Variants in LRMDA observed in about 807,000 individuals in gnomAD.
LRMDA encodes the protein leucine rich melanocyte differentiation associated.
Under a neutral mutation model 29.8 loss-of-function variants are expected in LRMDA, and 18 were observed. The ratio of observed to expected loss-of-function variants is 0.60; its 90% CI spans 0.42 to 0.90. The LOEUF (loss-of-function observed/expected upper bound fraction) is 0.90. LRMDA is among the 40% of genes least tolerant of loss of function. LRMDA has a pLI of 0.00. For missense variants in LRMDA, 273 were observed against 273.9 expected (o/e 1.00, Z 0.02); for synonymous variants, 125 against 109.4 (o/e 1.14, Z -0.89).
intron 6 of LRMDA, among the ~76,000 whole-genome samples, chr10:76,436,527 T>A (rs1036122450): frequency 2.6e-4 from 40 of 152,110 alleles, no homozygotes; most frequent in Admixed American, 1.1e-3. Context: ...CAGGGAGGTG[T>A]GGCACTCCCT....
At chr10:75,664,936 A>G (rs1207492552) in intron 2 of LRMDA, among the ~76,000 whole-genome samples, 1 of 152,144 alleles carries the variant, frequency 6.6e-6, no homozygotes, top group Non-Finnish European at 1.5e-5. Flanking sequence ...CAGACCCAGC[A>G]CCTGTTGGGG....
At chr10:76,536,472 C>A (rs1327058401) in intron 6 of LRMDA, among the ~76,000 whole-genome samples, 1 of 152,122 alleles carries the variant, frequency 6.6e-6, no homozygotes, top group Non-Finnish European at 1.5e-5. Flanking sequence ...TTGAAAGAAG[C>A]TCTCCAGGTG....
intron 5 of LRMDA, among the ~76,000 whole-genome samples, chr10:76,133,625 A>G (rs1353460238): frequency 6.6e-6 from 1 of 152,238 alleles, no homozygotes; most frequent in African/African-American, 2.4e-5. Context: ...TTAAATACAG[A>G]TCAGCTGCCT....
intron 5 of LRMDA, among the ~76,000 whole-genome samples, chr10:76,084,940 AT>A (rs1849110300): frequency 6.6e-6 from 1 of 152,156 alleles, no homozygotes; most frequent in Non-Finnish European, 1.5e-5. Flanking sequence ...CCTTTTGCCT[AT>A]TTCGTGACTG....
intron 5 of LRMDA, among the ~76,000 whole-genome samples, chr10:76,150,494 C>T (rs796311897): frequency 2.0e-5 from 3 of 152,218 alleles, no homozygotes; most frequent in African/African-American, 7.2e-5. Flanking sequence ...GTTTTGCCTC[C>T]GCTGACCCTG....
At chr10:76,240,331 A>G (rs1852248680) in intron 5 of LRMDA, among the ~76,000 whole-genome samples, 1 of 150,868 alleles carries the variant, frequency 6.6e-6, no homozygotes, top group African/African-American at 2.4e-5. Flanking sequence ...TAACTCAGGA[A>G]TGGAAAACCA....
At chr10:76,171,758 C>T (rs1488527505) in intron 5 of LRMDA, among the ~76,000 whole-genome samples, 1 of 152,148 alleles carries the variant, frequency 6.6e-6, no homozygotes, top group Admixed American at 6.5e-5. Flanking sequence ...CTGCTCCAAG[C>T]CATGATATAA....
intron 2 of LRMDA, among the ~76,000 whole-genome samples, chr10:75,496,307 G>A (rs1845044036): frequency 6.6e-6 from 1 of 152,084 alleles, no homozygotes; most frequent in South Asian, 2.1e-4. Context: ...GAGGCTCAGT[G>A]GTTTTTTAAA....
At chr10:76,444,755 C>T (rs1203577336) in intron 6 of LRMDA, among the ~76,000 whole-genome samples, 1 of 152,048 alleles carries the variant, frequency 6.6e-6, no homozygotes, top group Non-Finnish European at 1.5e-5. Flanking sequence ...CTCTAAAATG[C>T]TTAGGCCAGG....
At chr10:75,999,257 G>T (rs1847521827) in intron 2 of LRMDA, among the ~76,000 whole-genome samples, 1 of 152,202 alleles carries the variant, frequency 6.6e-6, no homozygotes, top group Non-Finnish European at 1.5e-5. Flanking sequence ...CCAGTGCGTG[G>T]CTCATGTCCC....
intron 2 of LRMDA, among the ~76,000 whole-genome samples, chr10:75,920,524 T>C (rs950498871): frequency 7.9e-5 from 12 of 152,178 alleles, no homozygotes; most frequent in African/African-American, 2.7e-4. Flanking sequence ...ACCAACTCCT[T>C]GCTATAACTT....
chr10:75,887,670 A>G (rs1845413489), intron 2 of LRMDA, among the ~76,000 whole-genome samples: 1 of 152,178 alleles, frequency 6.6e-6, no homozygotes, highest in Non-Finnish European at 1.5e-5. Flanking sequence ...ATGGCCTGCA[A>G]AGTCTAAATG....
At chr10:75,893,946 C>T (rs11001538) in intron 2 of LRMDA, among the ~76,000 whole-genome samples, 1 of 133,668 alleles carries the variant, frequency 7.5e-6, no homozygotes, top group Non-Finnish European at 1.6e-5. Flanking sequence ...AAAAAAAAAA[C>T]AAAAAAAAAA....
At chr10:76,344,778 T>C (rs1841081613) in intron 6 of LRMDA, among the ~76,000 whole-genome samples, 1 of 151,612 alleles carries the variant, frequency 6.6e-6, no homozygotes. Flanking sequence ...CTTAAATAGG[T>C]AGGGAAAAGA....
intron 2 of LRMDA, among the ~76,000 whole-genome samples, chr10:75,845,188 C>T (rs554393590): frequency 6.8e-4 from 100 of 147,266 alleles, no homozygotes; most frequent in Non-Finnish European, 1.3e-3. Flanking sequence ...ATTCCTTTGT[C>T]GGCTTAAATT....
At chr10:75,842,049 A>G (rs2132301735) in intron 2 of LRMDA, among the ~76,000 whole-genome samples, 1 of 152,378 alleles carries the variant, frequency 6.6e-6, no homozygotes, top group African/African-American at 2.4e-5. Context: ...AGGCATTGAA[A>G]TGAAAACCAT....
At position 75,431,682 on chromosome 10, in the gene LRMDA, G is replaced by A. The variant is rs1003903756; in HGVS notation, c.-43G>A. ...CCGCGCTCCCCGCTGCTGCCGCCGC[G>A]CCCCCGCGCTCCGTCCCGCGCGCCC... On this transcript the variant is annotated 5_prime_UTR_variant, in exon 1 of 7. Coordinates refer to ENST00000611255, the MANE Select transcript of LRMDA (RefSeq NM_001305581.2). 1.6e-6 allele frequency: 2 copies of A among 1,266,222 alleles called. No individual in the cohort carries two copies. The highest frequency in any genetic ancestry group is 2.0e-6 in the Non-Finnish European group (2 of 1,012,728). 78.4% of individuals were successfully genotyped at this position (1,266,222 alleles called of 1,614,324 possible). A position where few individuals can be genotyped will look rare whatever the true frequency, so the allele number is the denominator to read the frequency against.
chr10:76,280,528 A>G (rs1840189629), intron 5 of LRMDA, among the ~76,000 whole-genome samples: 1 of 152,166 alleles, frequency 6.6e-6, no homozygotes, highest in African/African-American at 2.4e-5. Context: ...TGTATTTTGC[A>G]CATTGATCAT....
chr10:75,733,174 T>A (rs1842719632), intron 2 of LRMDA, among the ~76,000 whole-genome samples: 1 of 152,230 alleles, frequency 6.6e-6, no homozygotes, highest in Non-Finnish European at 1.5e-5. Flanking sequence ...CATGTGTTAG[T>A]ATGACAGCCA....
Sources: gnomAD v4.1 joint callset for allele counts (sites outside exome capture counted in the v4.1 genomes callset) on GRCh38, gnomAD v4.1.1 for gene constraint, MANE v1.5 for transcripts, NCBI Gene and HGNC (gene_info 2026-07-23, HGNC 2026-07-21) for gene names.